Variants in MTHFD1L observed in about 807,000 individuals in gnomAD.
MTHFD1L encodes the protein methylenetetrahydrofolate dehydrogenase (NADP+ dependent) 1 like.
MTHFD1L carries 81 observed loss-of-function variants against 119.5 expected under a neutral mutation model. That is an observed-to-expected ratio of 0.68 (90% CI 0.57 to 0.82). The LOEUF is 0.82. Ranked by LOEUF, MTHFD1L falls within the 40% of genes least tolerant of loss-of-function variation. MTHFD1L has a pLI of 0.00. For synonymous variants in MTHFD1L, 430 were observed against 475.2 expected, an observed-to-expected ratio of 0.90 and a Z score of 1.24; for missense variants, 1,125 against 1,253.4, an observed-to-expected ratio of 0.90 and a Z score of 1.55.
chr6:151,084,080 A>G (rs1793487810), intron 26 of MTHFD1L, among the ~76,000 whole-genome samples: 1 of 152,232 alleles, frequency 6.6e-6, no homozygotes, highest in Non-Finnish European at 1.5e-5. Flanking sequence ...ACCTTCCTTG[A>G]GCCTGGCTAC....
At chr6:150,905,509 A>G in intron 7 of MTHFD1L, 141 bp from the exon 8 acceptor site, 2 of 631,786 alleles carry the variant, frequency 3.2e-6, no homozygotes, top group South Asian at 3.8e-5. Context: ...GAAAGGAATT[A>G]GTAAAGCGAT....
chr6:151,033,020 G>A (rs534847011), intron 24 of MTHFD1L, among the ~76,000 whole-genome samples: 31 of 152,100 alleles, frequency 2.0e-4, no homozygotes, highest in African/African-American at 5.8e-4. Context: ...GGCACATCAC[G>A]GGAGACTTGT....
chr6:150,915,289 G>C (rs143174273), intron 8 of MTHFD1L, among the ~76,000 whole-genome samples: 39 of 151,982 alleles, frequency 2.6e-4, no homozygotes, highest in African/African-American at 8.9e-4. Flanking sequence ...AGCTATCATA[G>C]TGTTAGTGTA....
intron 20 of MTHFD1L, among the ~76,000 whole-genome samples, chr6:150,988,361 C>G (rs1778591539): frequency 6.6e-6 from 1 of 152,154 alleles, no homozygotes; most frequent in South Asian, 2.1e-4. Context: ...ATTACCCCTT[C>G]CTTGTATAAG....
rs780324230 is a variant in MTHFD1L at position 150,936,795 on chromosome 6, C to T, written c.1257-9C>T. 32 of 1,609,198 alleles carry T rather than the reference C, an allele frequency of 2.0e-5. No homozygotes were observed. The highest frequency in any genetic ancestry group is 1.3e-4 in the African/African-American group (10 of 74,812). ...TATTATAAAATTCACTTTCTCCCCC[C>T]GAACTCAGGATCACACCCACCCCTC... On this transcript the variant is annotated splice_polypyrimidine_tract_variant and intron_variant, in intron 11 of 27. Transcript: ENST00000367321.
chr6:151,009,821 AC>A lies in MTHFD1L; in HGVS notation c.2130del (p.Glu711LysfsTer30). 6.2e-7 allele frequency: 1 copy of A among 1,613,702 alleles called. No individual in the cohort carries two copies. The highest frequency in any genetic ancestry group is 8.5e-7 in the Non-Finnish European group (1 of 1,179,850). On this transcript the variant is annotated frameshift_variant, in exon 21 of 28. Coordinates refer to ENST00000367321, the MANE Select transcript of MTHFD1L (RefSeq NM_015440.5). LOFTEE classifies it high-confidence loss of function. Reference sequence around the variant, plus strand: ...ATATTCCACTTGCTTCCCCACAGTGACCGAAGCTGGCTTTGGTGCTGACATC... The same window carrying A: ...ATATTCCACTTGCTTCCCCACAGTGACGAAGCTGGCTTTGGTGCTGACATC... The part of the protein sequence containing the change: ...KLVGEEGFVV[T>X]EAGFGADIGM...
intron 26 of MTHFD1L, chr6:151,041,685 A>G (rs1438449832): frequency 2.3e-6 from 1 of 443,416 alleles, no homozygotes; most frequent in Non-Finnish European, 4.6e-6. Flanking sequence ...CACAGGCCTT[A>G]TGATAGACTC....
intron 9 of MTHFD1L, among the ~76,000 whole-genome samples, chr6:150,921,437 A>G (rs1197780684): frequency 2.0e-5 from 3 of 151,820 alleles, no homozygotes; most frequent in African/African-American, 7.3e-5. Flanking sequence ...TTTTTAGTAG[A>G]GACAGGGTTT....
rs570954048 is a variant in MTHFD1L, at chr6:150,886,196, G to A, written c.643+462G>A. Among the ~76,000 whole-genome samples the A allele has an allele frequency of 7.0e-4, 106 of 152,258 alleles. 1 individual carries two copies. The highest frequency in any genetic ancestry group is 2.5e-3 in the African/African-American group (103 of 41,564). ...GCCTATAATCTCAGTGCTAGGCGAG[G>A]CCAAGGCCAGAGGATCACTTCAGGC... On this transcript the variant is annotated intron_variant, in intron 6 of 27. Transcript: ENST00000367321.
In MTHFD1L at chr6:150,967,006, G is replaced by A. The variant is rs145468017; in HGVS notation, c.2013+1969G>A. On this transcript the variant is annotated intron_variant, in intron 19 of 27. Coordinates refer to ENST00000367321, the MANE Select transcript of MTHFD1L (RefSeq NM_015440.5). ...CCAAGGCCACACCCTTCTGCGGCAG[G>A]TTGTCCTTCCCGTCTTTCCTCTCCC... Among the ~76,000 whole-genome samples, 943 of 152,302 alleles carry A rather than the reference G, an allele frequency of 6.2e-3. 8 individuals carry two copies. Among genetic ancestry groups the A allele is most frequent in the African/African-American group, 0.022 (902 of 41,570 alleles).
intron 26 of MTHFD1L, among the ~76,000 whole-genome samples, chr6:151,056,677 G>T (rs990533567): frequency 1.3e-5 from 2 of 152,140 alleles, no homozygotes. Context: ...CAACAGCAGG[G>T]CCCTGTTCTC....
At chr6:151,032,873 T>C (rs1785549073) in intron 24 of MTHFD1L, among the ~76,000 whole-genome samples, 2 of 152,134 alleles carry the variant, frequency 1.3e-5, no homozygotes, top group Non-Finnish European at 1.5e-5. Flanking sequence ...GAAAAACACG[T>C]TTTAAAGCAG....
intron 1 of MTHFD1L, 58 bp downstream of exon 1, chr6:150,866,107 GGCGGAGC>G: frequency 6.8e-7 from 1 of 1,469,978 alleles, no homozygotes; most frequent in South Asian, 1.3e-5. Flanking sequence ...CCGACCCAGG[GGCGGAGC>G]GCCCGGGACC....
chr6:150,931,048 C>T (rs1790946735), intron 11 of MTHFD1L, among the ~76,000 whole-genome samples: 2 of 152,156 alleles, frequency 1.3e-5, no homozygotes, highest in South Asian at 4.1e-4. Flanking sequence ...TTCCCAGTTA[C>T]ACTAATGAAA....
At chr6:151,030,266 C>T (rs1421084716) in intron 24 of MTHFD1L, among the ~76,000 whole-genome samples, 3 of 152,202 alleles carry the variant, frequency 2.0e-5, no homozygotes, top group Non-Finnish European at 4.4e-5. Context: ...CACACAGCCA[C>T]CAAGCTCCTT....
intron 15 of MTHFD1L, among the ~76,000 whole-genome samples, chr6:150,948,383 G>A (rs1794339921): frequency 6.6e-6 from 1 of 150,518 alleles, no homozygotes; most frequent in Non-Finnish European, 1.5e-5. Context: ...GCAGTGGCAG[G>A]ATCTCAGCTC....
chr6:150,989,385 C>G (rs1003830995), intron 20 of MTHFD1L, among the ~76,000 whole-genome samples: 2 of 152,162 alleles, frequency 1.3e-5, no homozygotes, highest in Non-Finnish European at 2.9e-5. Flanking sequence ...TGCCTATACT[C>G]ACCGTTATTA....
chr6:150,938,927 G>A (rs12214461), intron 13 of MTHFD1L, among the ~76,000 whole-genome samples, 182 bp downstream of exon 13: 14,112 of 152,180 alleles, frequency 0.093, 935 homozygotes, highest in Admixed American at 0.19. Context: ...ACTGTGATGA[G>A]CTATAATTAT....
At chr6:150,941,069 C>T (rs74579419) in intron 13 of MTHFD1L, among the ~76,000 whole-genome samples, 1 of 152,182 alleles carries the variant, frequency 6.6e-6, no homozygotes, top group Non-Finnish European at 1.5e-5. Context: ...CATAATAAAT[C>T]ACCATAGGGG....
Sources: gnomAD v4.1 joint callset for allele counts (sites outside exome capture counted in the v4.1 genomes callset) on GRCh38, gnomAD v4.1.1 for gene constraint, MANE v1.5 for transcripts, NCBI Gene and HGNC (gene_info 2026-07-23, HGNC 2026-07-21) for gene names.